Variants in CATSPERB observed in about 807,000 individuals in gnomAD.
The protein encoded by CATSPERB is cation channel sperm-associated auxiliary subunit beta.
CATSPERB carries 93 observed loss-of-function variants against 128.3 expected under a neutral mutation model. The ratio of observed to expected loss-of-function variants is 0.72; its 90% CI spans 0.61 to 0.86. CATSPERB has a LOEUF of 0.86. CATSPERB is among the 40% of genes least tolerant of loss of function. CATSPERB has a pLI of 0.00. For synonymous variants in CATSPERB, 381 were observed against 448.8 expected, an observed-to-expected ratio of 0.85 and a Z score of 1.91; for missense variants, 1,153 against 1,329.5, an observed-to-expected ratio of 0.87 and a Z score of 2.06.
At chr14:91,687,029 T>C (rs1339634964) in intron 10 of CATSPERB, among the ~76,000 whole-genome samples, 1 of 152,156 alleles carries the variant, frequency 6.6e-6, no homozygotes, top group Non-Finnish European at 1.5e-5. Context: ...TTAGCATACT[T>C]TGTATATAGT....
At position 91,702,675 on chromosome 14, in the gene CATSPERB, AAC is replaced by A. The variant is rs71461951; in HGVS notation, c.616+1875_616+1876del. ...ACACCCTCCCTGACACAAAAAAGAAAACACACACACACACACACACACACACA... is the reference window on the plus strand; with the variant it reads ...ACACCCTCCCTGACACAAAAAAGAAAACACACACACACACACACACACACA... On this transcript the variant is annotated intron_variant, in intron 7 of 26. Coordinates refer to ENST00000256343, the MANE Select transcript of CATSPERB (RefSeq NM_024764.4). Among the ~76,000 whole-genome samples the A allele has an allele frequency of 1.6e-3, 235 of 145,576 alleles. 1 individual carries two copies. Among genetic ancestry groups the A allele is most frequent in the South Asian group, 9.6e-3 (44 of 4,586 alleles).
chr14:91,588,174 A>G, intron 24 of CATSPERB, 96 bp from the exon 25 acceptor site: 1 of 712,246 alleles, frequency 1.4e-6, no homozygotes, highest in Non-Finnish European at 2.4e-6. Flanking sequence ...ATTACTTTTA[A>G]TTTACTATTA....
At chr14:91,694,903 A>G (rs1366594104) in intron 7 of CATSPERB, among the ~76,000 whole-genome samples, 8 of 152,182 alleles carry the variant, frequency 5.3e-5, no homozygotes, top group Non-Finnish European at 1.0e-4. Context: ...AGGGGAGGCT[A>G]AGGAACCTTG....
intron 17 of CATSPERB, among the ~76,000 whole-genome samples, chr14:91,635,097 G>A (rs111581924): frequency 9.2e-5 from 14 of 151,780 alleles, no homozygotes; most frequent in African/African-American, 1.9e-4. Flanking sequence ...TCAGTCCTTC[G>A]TGGTGGAAGG....
chr14:91,601,304 T>C (rs559388122), intron 22 of CATSPERB, among the ~76,000 whole-genome samples: 25 of 152,356 alleles, frequency 1.6e-4, no homozygotes, highest in African/African-American at 5.5e-4. Context: ...CAATACACTT[T>C]TTCTCTAATT....
At chr14:91,687,950 C>A (rs906286761) in intron 10 of CATSPERB, among the ~76,000 whole-genome samples, 721 of 116,714 alleles carry the variant, frequency 6.2e-3, no homozygotes, top group East Asian at 8.0e-3. Flanking sequence ...GAGAGTGTCT[C>A]AAAAAAAAAA....
chr14:91,728,843 G>GA (rs1266908356), intron 2 of CATSPERB, among the ~76,000 whole-genome samples: 1 of 152,182 alleles, frequency 6.6e-6, no homozygotes, highest in African/African-American at 2.4e-5. Context: ...CAAACGTACA[G>GA]AAAAAAATGC....
At chr14:91,648,799 C>T (rs957769419) in intron 15 of CATSPERB, among the ~76,000 whole-genome samples, 1 of 152,074 alleles carries the variant, frequency 6.6e-6, no homozygotes, top group Non-Finnish European at 1.5e-5. Context: ...AAGTTTTTCA[C>T]TCCTGGCAAT....
rs754042312 is a variant in CATSPERB, at chr14:91,669,783, T to G, written c.1287+31A>C. 5.7e-6 allele frequency: 9 copies of G among 1,588,940 alleles called. No homozygotes were observed. The South Asian group carries it at 1.0e-4, about 18-fold the overall frequency. On this transcript the variant is annotated intron_variant, in intron 14 of 26. Transcript: ENST00000256343. ...ATACAGTAGGTGGATGATTTAACTCTAACACAGACTGAAGTTCCATGTGTA... is the reference window on the plus strand; with the variant it reads ...ATACAGTAGGTGGATGATTTAACTCGAACACAGACTGAAGTTCCATGTGTA...
At chr14:91,592,072 C>T in intron 22 of CATSPERB, 70 bp from the exon 23 acceptor site, 7 of 910,186 alleles carry the variant, frequency 7.7e-6, no homozygotes, top group Non-Finnish European at 1.3e-5. Context: ...TGATAAATAT[C>T]TAATAAATAT....
intron 22 of CATSPERB, among the ~76,000 whole-genome samples, chr14:91,607,289 T>C (rs1292563181): frequency 6.6e-6 from 1 of 151,890 alleles, no homozygotes; most frequent in Non-Finnish European, 1.5e-5. Context: ...GTAAGCGATA[T>C]GGAGAAAAAT....
intron 7 of CATSPERB, among the ~76,000 whole-genome samples, chr14:91,700,781 T>G (rs1895634929): frequency 6.6e-6 from 1 of 151,980 alleles, no homozygotes; most frequent in African/African-American, 2.4e-5. Context: ...CTCACAGACC[T>G]GAAGTATGGC....
chr14:91,606,892 A>T (rs910008580), intron 22 of CATSPERB, among the ~76,000 whole-genome samples: 3 of 152,082 alleles, frequency 2.0e-5, no homozygotes, highest in Non-Finnish European at 4.4e-5. Context: ...AAAACCTGGG[A>T]AATCAAGGAT....
intron 11 of CATSPERB, among the ~76,000 whole-genome samples, chr14:91,675,709 C>A (rs1895181349): frequency 6.6e-6 from 1 of 152,176 alleles, no homozygotes. Flanking sequence ...TATCTACTTG[C>A]AACTTTCTTT....
intron 2 of CATSPERB, 29 bp downstream of exon 2, chr14:91,729,372 A>G: frequency 1.9e-6 from 2 of 1,048,020 alleles, no homozygotes; most frequent in South Asian, 1.7e-5. Context: ...CTGAGAAGGA[A>G]ATAGAGAGTA....
intron 23 of CATSPERB, among the ~76,000 whole-genome samples, chr14:91,590,177 G>A (rs1850191614): frequency 6.6e-6 from 1 of 152,310 alleles, no homozygotes; most frequent in East Asian, 1.9e-4. Flanking sequence ...TAGATAGTAA[G>A]TGCTCATGAA....
At chr14:91,629,048 A>C (rs1162832888) in intron 17 of CATSPERB, among the ~76,000 whole-genome samples, 1 of 152,224 alleles carries the variant, frequency 6.6e-6, no homozygotes, top group Non-Finnish European at 1.5e-5. Flanking sequence ...ACTTATATCT[A>C]TACAAAACCT....
intron 5 of CATSPERB, among the ~76,000 whole-genome samples, chr14:91,711,068 G>C (rs1398219345): frequency 2.0e-5 from 3 of 152,128 alleles, no homozygotes; most frequent in Non-Finnish European, 2.9e-5. Flanking sequence ...GAAACTTAAA[G>C]ACATCAGCTG....
chr14:91,649,341 G>A (rs1595163882), intron 15 of CATSPERB, among the ~76,000 whole-genome samples: 1 of 42,492 alleles, frequency 2.4e-5, no homozygotes, highest in South Asian at 7.6e-4. Flanking sequence ...ATGTGTGTGT[G>A]TGTGTGTGTG....
Sources: gnomAD v4.1 joint callset for allele counts (sites outside exome capture counted in the v4.1 genomes callset) on GRCh38, gnomAD v4.1.1 for gene constraint, MANE v1.5 for transcripts, NCBI Gene and HGNC (gene_info 2026-07-23, HGNC 2026-07-21) for gene names.